Variants in ST18 observed in about 807,000 individuals in gnomAD.
The protein encoded by ST18 is ST18 C2H2C-type zinc finger transcription factor.
ST18 carries 50 observed loss-of-function variants against 110.0 expected under a neutral mutation model. The ratio of observed to expected loss-of-function variants is 0.45; its 90% confidence interval spans 0.36 to 0.58. ST18 has a LOEUF of 0.58. Ranked by LOEUF, ST18 falls within the 20% of genes least tolerant of loss-of-function variation. The probability of loss-of-function intolerance (pLI) is 0.00; values close to 1 mark genes in which losing one functional copy is unlikely to be tolerated. For synonymous variants in ST18, 461 were observed against 452.4 expected (o/e 1.02, Z -0.24); for missense variants, 1,306 against 1,280.1 (o/e 1.02, Z -0.31).
At chr8:52,303,649 T>C (rs1428501053) in intron 2 of ST18, among the ~76,000 whole-genome samples, 1 of 152,230 alleles carries the variant, frequency 6.6e-6, no homozygotes, top group Non-Finnish European at 1.5e-5. Context: ...ACTTCTGTGA[T>C]GTTCCTGCCA....
At chr8:52,348,217 T>C (rs1317331869) in intron 2 of ST18, among the ~76,000 whole-genome samples, 1 of 152,168 alleles carries the variant, frequency 6.6e-6, no homozygotes, top group African/African-American at 2.4e-5. Flanking sequence ...TTTATAGAAA[T>C]GATTTACAAA....
chr8:52,397,727 T>A (rs1202078237), intron 2 of ST18, among the ~76,000 whole-genome samples: 1 of 152,202 alleles, frequency 6.6e-6, no homozygotes, highest in African/African-American at 2.4e-5. Context: ...TTATGTCCTC[T>A]TTATACCCTT....
chr8:52,268,511 TTATC>T (rs1198232911), intron 2 of ST18, among the ~76,000 whole-genome samples: 17 of 73,934 alleles, frequency 2.3e-4, no homozygotes, highest in East Asian at 1.6e-3. Flanking sequence ...ATCTATCTAT[TTATC>T]TATCTATCTT....
At chr8:52,220,421 C>T (rs569945601) in intron 5 of ST18, 7 of 152,254 alleles carry the variant, frequency 4.6e-5, no homozygotes, top group South Asian at 2.1e-4. Context: ...ATTTCTAACA[C>T]GAATGTAAAC....
intron 8 of ST18, among the ~76,000 whole-genome samples, chr8:52,203,325 G>T (rs564577562): frequency 6.6e-6 from 1 of 152,128 alleles, no homozygotes; most frequent in East Asian, 1.9e-4. Context: ...CCGGAACACA[G>T]GGCTGCTATT....
intron 2 of ST18, among the ~76,000 whole-genome samples, chr8:52,245,407 C>T (rs562627208): frequency 2.0e-5 from 3 of 152,118 alleles, no homozygotes; most frequent in South Asian, 2.1e-4. Context: ...TGAATTCACT[C>T]ATATTGAAAT....
chr8:52,117,225 G>A (rs1212664528), intron 24 of ST18, among the ~76,000 whole-genome samples: 1 of 152,072 alleles, frequency 6.6e-6, no homozygotes, highest in African/African-American at 2.4e-5. Context: ...TTCTCATGAT[G>A]AGCACTTTTG....
At chr8:52,271,725 A>G (rs755545634) in intron 2 of ST18, among the ~76,000 whole-genome samples, 8 of 152,144 alleles carry the variant, frequency 5.3e-5, no homozygotes, top group Non-Finnish European at 1.2e-4. Flanking sequence ...GACAGTAGCT[A>G]TTTTTTACAC....
At chr8:52,406,296 A>C (rs1045278798) in intron 2 of ST18, 1 of 152,214 alleles carries the variant, frequency 6.6e-6, no homozygotes, top group African/African-American at 2.4e-5. Flanking sequence ...GTAATTATAA[A>C]ACTCTTCCTG....
chr8:52,291,890 C>T (rs1781736492), intron 2 of ST18, among the ~76,000 whole-genome samples: 1 of 152,120 alleles, frequency 6.6e-6, no homozygotes, highest in African/African-American at 2.4e-5. Flanking sequence ...TCCTCCCGCC[C>T]CAGTCTCTCG....
At chr8:52,143,828 C>T (rs920700607) in intron 16 of ST18, among the ~76,000 whole-genome samples, 1 of 152,120 alleles carries the variant, frequency 6.6e-6, no homozygotes, top group Non-Finnish European at 1.5e-5. Context: ...ACGGAATGCC[C>T]TTTCTAATGT....
chr8:52,266,504 A>C (rs1002532796), intron 2 of ST18, among the ~76,000 whole-genome samples: 1 of 151,778 alleles, frequency 6.6e-6, no homozygotes, highest in Non-Finnish European at 1.5e-5. Context: ...GATGGCAGGC[A>C]GATCTCACAG....
At position 52,357,712 on chromosome 8, in the gene ST18, TATATATATATA is replaced by T. The variant is rs1564568592; in HGVS notation, c.-465+51605_-465+51615del. On this transcript the variant is annotated intron_variant, in intron 2 of 25. Coordinates refer to ENST00000689386, the MANE Select transcript of ST18 (RefSeq NM_001352837.2). ...ATATATATATATATATATATATATA[TATATATATATA>T]TATATATAAAACAGACTCAAAGGGA... Among the ~76,000 whole-genome samples the T allele has an allele frequency of 8.9e-3, 617 of 69,480 alleles. 10 individuals carry two copies. Among genetic ancestry groups the T allele is most frequent in the African/African-American group, 0.038 (405 of 10,648 alleles). 45.6% of individuals were successfully genotyped at this position (69,480 alleles called of 152,430 possible).
intron 2 of ST18, among the ~76,000 whole-genome samples, chr8:52,273,246 G>A (rs1003911618): frequency 3.9e-5 from 6 of 152,160 alleles, no homozygotes; most frequent in Admixed American, 6.5e-5. Context: ...GCTGGGAATC[G>A]TGGAGAGGGG....
intron 2 of ST18, among the ~76,000 whole-genome samples, chr8:52,271,120 G>A (rs1198163980): frequency 2.6e-5 from 4 of 152,014 alleles, no homozygotes; most frequent in Non-Finnish European, 5.9e-5. Flanking sequence ...GGTTGGTCTC[G>A]ATCTTCTGAC....
intron 8 of ST18, among the ~76,000 whole-genome samples, chr8:52,203,926 T>C (rs948523393): frequency 3.9e-5 from 6 of 152,176 alleles, no homozygotes; most frequent in African/African-American, 1.4e-4. Context: ...GACTTCAGAT[T>C]TTGTCAGAGA....
At position 52,159,245 on chromosome 8, in the gene ST18, GA is replaced by G. The variant is rs1264563039; in HGVS notation, c.1595-137del. 4 of 816,704 alleles carry G rather than the reference GA, an allele frequency of 4.9e-6. No individual in the cohort carries two copies. In the African/African-American group the frequency reaches 6.9e-5, roughly 14 times the overall value. The allele number at this position is 816,704 out of a possible 1,614,324, so 50.6% of individuals were successfully genotyped here. A position where few individuals can be genotyped will look rare whatever the true frequency, so the allele number is the denominator to read the frequency against. ...TTAAAACACGTTCCATTATCCATGG[GA>G]ACATTAAATGAAGGTTATCCAGACC... On this transcript the variant is annotated intron_variant, in intron 14 of 25. Transcript: ENST00000689386.
intron 2 of ST18, among the ~76,000 whole-genome samples, chr8:52,391,078 C>G (rs1839168023): frequency 6.6e-6 from 1 of 152,188 alleles, no homozygotes; most frequent in African/African-American, 2.4e-5. Flanking sequence ...CTATTGTGCA[C>G]TCGGCAAAGT....
chr8:52,137,970 G>A (rs1412830717), intron 17 of ST18, among the ~76,000 whole-genome samples: 1 of 151,610 alleles, frequency 6.6e-6, no homozygotes, highest in Non-Finnish European at 1.5e-5. Context: ...GCATGGTGGT[G>A]CATGCCTGTA....
Sources: allele counts gnomAD v4.1 joint callset (sites outside exome capture counted in the v4.1 genomes callset), GRCh38; gene constraint gnomAD v4.1.1; transcripts MANE v1.5; gene names NCBI Gene and HGNC (gene_info 2026-07-23, HGNC 2026-07-21).